The following KIF1B variants were observed in gnomAD, a reference collection of about 807,000 sequenced individuals.
The protein encoded by KIF1B is kinesin-like protein KIF1B.
Under a neutral mutation model 241.9 loss-of-function variants are expected in KIF1B, and 76 were observed. The ratio of observed to expected loss-of-function variants is 0.31; its 90% CI spans 0.26 to 0.38. The LOEUF (loss-of-function observed/expected upper bound fraction) is 0.38. Ranked by LOEUF, KIF1B falls within the 10% of genes least tolerant of loss-of-function variation. The probability of loss-of-function intolerance (pLI) is 1.00; values close to 1 mark genes in which losing one functional copy is unlikely to be tolerated. For synonymous variants in KIF1B, 750 were observed against 796.7 expected (o/e 0.94, Z 0.99); for missense variants, 1,622 against 2,271.4 (o/e 0.71, Z 5.81).
chr1:10,227,032 C>CTTTTTTTTTTTTTTTTTTTTTTTTT (rs747870005), intron 1 of KIF1B, among the ~76,000 whole-genome samples: 2 of 112,942 alleles, frequency 1.8e-5, no homozygotes, highest in Non-Finnish European at 3.5e-5. Flanking sequence ...GCAAGTCTCT[C>CTTTTTTTTTTTTTTTTTTTTTTTTT]TTTTTTTTTT....
At chr1:10,232,494 C>A in intron 2 of KIF1B, 60 bp downstream of exon 2, 2 of 1,238,068 alleles carry the variant, frequency 1.6e-6, no homozygotes, top group South Asian at 1.2e-5. Context: ...CTTTCCCTGT[C>A]GTCTTGCTGT....
intron 22 of KIF1B, chr1:10,305,087 G>A: frequency 9.4e-7 from 1 of 1,066,214 alleles, no homozygotes; most frequent in Non-Finnish European, 1.1e-6. Flanking sequence ...GTTAGAAATT[G>A]GTTTAAAAAT....
At chr1:10,259,942 C>T (rs1203039969) in intron 4 of KIF1B, among the ~76,000 whole-genome samples, 1 of 151,228 alleles carries the variant, frequency 6.6e-6, no homozygotes, top group African/African-American at 2.4e-5. Context: ...AGCCACTGTG[C>T]GGGGCCTAAA....
At position 10,368,221 on chromosome 1, in the gene KIF1B, C is replaced by CA. The variant is rs112961371; in HGVS notation, c.4753-245dup. On this transcript the variant is annotated intron_variant, in intron 43 of 48. Transcript: ENST00000676179. ...GTTATTTCCCCTCCTGCCTTGTATC[C>CA]AGGGCTTCATTTAGTCATTGAGGTT... Among the ~76,000 whole-genome samples the CA allele has an allele frequency of 0.036, 5,528 of 152,170 alleles. 348 individuals carry two copies. The highest frequency in any genetic ancestry group is 0.12 in the African/African-American group (5,171 of 41,474).
At chr1:10,283,239 TTAGA>T (rs1649521189) in intron 15 of KIF1B, among the ~76,000 whole-genome samples, 1 of 124,016 alleles carries the variant, frequency 8.1e-6, no homozygotes, top group Non-Finnish European at 1.7e-5. Context: ...AAAGATAAAG[TTAGA>T]ACATTTGAGT....
chr1:10,359,605 C>T (rs12738317), intron 38 of KIF1B, among the ~76,000 whole-genome samples: 54,290 of 151,552 alleles, frequency 0.36, 9,838 homozygotes, highest in Admixed American at 0.39. Context: ...CCATTTGTTA[C>T]ATAAATGTAA....
chr1:10,286,512 G>A (rs1035750389), intron 15 of KIF1B, among the ~76,000 whole-genome samples: 2 of 152,206 alleles, frequency 1.3e-5, no homozygotes, highest in South Asian at 4.1e-4. Context: ...CAGCCCAAGG[G>A]CCACATTTGG....
chr1:10,308,723 G>C, intron 22 of KIF1B: 10 of 730,138 alleles, frequency 1.4e-5, no homozygotes, highest in Non-Finnish European at 1.5e-5. Flanking sequence ...TCTTCTTTTT[G>C]ATATTTCTAT....
intron 5 of KIF1B, among the ~76,000 whole-genome samples, chr1:10,265,648 C>T (rs1314470031): frequency 6.6e-6 from 1 of 152,026 alleles, no homozygotes; most frequent in East Asian, 1.9e-4. Flanking sequence ...AGTTCAAGAC[C>T]AGCCTGGGCA....
chr1:10,332,201 G>T (rs1651970790), intron 27 of KIF1B, among the ~76,000 whole-genome samples: 1 of 151,768 alleles, frequency 6.6e-6, no homozygotes, highest in African/African-American at 2.4e-5. Context: ...GAGTAGCTGG[G>T]ATTATAGGTG....
At chr1:10,240,720 C>CTTTTTTTT (rs771359959) in intron 2 of KIF1B, among the ~76,000 whole-genome samples, 2 of 103,798 alleles carry the variant, frequency 1.9e-5, no homozygotes, top group South Asian at 3.0e-4. Flanking sequence ...ATGGGTAGTT[C>CTTTTTTTT]ATTTTTTTTT....
intron 16 of KIF1B, among the ~76,000 whole-genome samples, chr1:10,291,707 C>T (rs1331060600): frequency 3.8e-5 from 5 of 133,022 alleles, no homozygotes; most frequent in Non-Finnish European, 8.3e-5. Flanking sequence ...AAGACTCTGT[C>T]TCAAAAAAAA....
At chr1:10,291,480 G>A (rs997908170) in intron 16 of KIF1B, among the ~76,000 whole-genome samples, 1 of 152,138 alleles carries the variant, frequency 6.6e-6, no homozygotes, top group African/African-American at 2.4e-5. Flanking sequence ...GGAGGCTGAG[G>A]TGGGCAGATC....
intron 22 of KIF1B, among the ~76,000 whole-genome samples, chr1:10,300,791 T>TG (rs1650502943): frequency 6.6e-6 from 1 of 152,238 alleles, no homozygotes; most frequent in Non-Finnish European, 1.5e-5. Flanking sequence ...TATTTATCAC[T>TG]TAAAATTAGC....
At chr1:10,297,301 T>C (rs1557696438) in intron 22 of KIF1B, 55 bp downstream of exon 22, 4 of 1,500,620 alleles carry the variant, frequency 2.7e-6, no homozygotes, top group Non-Finnish European at 3.7e-6. Flanking sequence ...GTTCCCATAC[T>C]TTCCCTGTTC....
intron 22 of KIF1B, among the ~76,000 whole-genome samples, chr1:10,316,902 C>T (rs1651327055): frequency 6.6e-6 from 1 of 150,994 alleles, no homozygotes. Flanking sequence ...TATTAGCCAC[C>T]TTTTTTTTGT....
chr1:10,228,675 A>G (rs1646941185), intron 1 of KIF1B, among the ~76,000 whole-genome samples: 1 of 152,198 alleles, frequency 6.6e-6, no homozygotes, highest in Admixed American at 6.6e-5. Context: ...TCTGTTTCAT[A>G]CAACTCTGTT....
intron 8 of KIF1B, among the ~76,000 whole-genome samples, chr1:10,271,789 G>C (rs181483038): frequency 6.6e-5 from 10 of 152,302 alleles, no homozygotes; most frequent in Admixed American, 2.6e-4. Flanking sequence ...AAATTTTGCT[G>C]ACTCCTGATC....
intron 28 of KIF1B, among the ~76,000 whole-genome samples, chr1:10,335,878 A>G (rs574159228): frequency 5.4e-4 from 82 of 151,800 alleles, no homozygotes; most frequent in Non-Finnish European, 8.8e-4. Flanking sequence ...CCATTTTTCC[A>G]TGATCCAGCC....
Sources: allele counts gnomAD v4.1 joint callset (sites outside exome capture counted in the v4.1 genomes callset), GRCh38; gene constraint gnomAD v4.1.1; transcripts MANE v1.5; gene names NCBI Gene and HGNC (gene_info 2026-07-23, HGNC 2026-07-21).